Variants in ONECUT2 observed in about 807,000 individuals in gnomAD.
The protein encoded by ONECUT2 is one cut homeobox 2.
ONECUT2 carries 10 observed loss-of-function variants against 27.9 expected under a neutral mutation model. The observed-to-expected ratio is 0.36, with a 90% confidence interval of 0.22 to 0.61. The LOEUF (loss-of-function observed/expected upper bound fraction) is 0.61, where lower values mean the gene tolerates loss of function less well. ONECUT2 is among the 20% of genes least tolerant of loss of function. The probability of loss-of-function intolerance (pLI) is 0.73; values close to 1 mark genes in which losing one functional copy is unlikely to be tolerated. For missense variants in ONECUT2, 686 were observed against 721.0 expected, an observed-to-expected ratio of 0.95 and a Z score of 0.56; for synonymous variants, 334 against 315.1, an observed-to-expected ratio of 1.06 and a Z score of -0.64.
At position 57,471,339 on chromosome 18, in the gene ONECUT2, G is replaced by A. The variant is rs554928311; in HGVS notation, c.1229-5098G>A. Among the ~76,000 whole-genome samples, 3 of 152,354 alleles carry A rather than the reference G, an allele frequency of 2.0e-5. No individual in the cohort carries two copies. The South Asian group carries it at 6.2e-4, about 32-fold the overall frequency. On this transcript the variant is annotated intron_variant, in intron 1 of 1. Transcript: ENST00000491143. ...GCAAAGTAGACCTGGCCCACATGGA[G>A]TTGGGTTGGGATGGGGAAGGCATGG...
At chr18:57,453,581 T>TCGTAGGC (rs1240191658) in intron 1 of ONECUT2, among the ~76,000 whole-genome samples, 36 of 620 alleles carry the variant, frequency 0.058, no homozygotes, top group Admixed American at 0.095. Context: ...ATGGCACCCT[T>TCGTAGGC]AGTAGTTCTT....
At position 57,436,478 on chromosome 18, in the gene ONECUT2, C is replaced by T; in HGVS notation, c.762C>T (p.His254=). 6.2e-7 allele frequency: 1 copy of T among 1,613,244 alleles called. No homozygotes were observed. The highest frequency in any genetic ancestry group is 8.5e-7 in the Non-Finnish European group (1 of 1,179,806). Residue 254 remains histidine, a synonymous_variant, in exon 1 of 2, where the codon CAC becomes CAT. Coordinates refer to ENST00000491143, the MANE Select transcript of ONECUT2 (RefSeq NM_004852.3). The surrounding 1 kb of genome is among the most constrained non-coding windows in gnomAD (Gnocchi z 5.9). ...TGCCCAACTACGGTCCGCCGGGCCA[C>T]GACAAAATGCTCAGCCCCAACTTCG... ...QSLPNYGPPG[H]DKMLSPNFDA...
In ONECUT2 at chr18:57,476,784, AAAC is replaced by A. The variant is rs2050385270; in HGVS notation, c.*64_*66del. 28 of 1,530,306 alleles carry A rather than the reference AAAC, an allele frequency of 1.8e-5. 1 individual carries two copies. In the South Asian group the frequency reaches 3.4e-4, roughly 19 times the overall value. The allele number at this position is 1,530,306 out of a possible 1,614,324, so 94.8% of individuals were successfully genotyped here. A position where few individuals can be genotyped will look rare whatever the true frequency, so the allele number is the denominator to read the frequency against. On this transcript the variant is annotated 3_prime_UTR_variant, in exon 2 of 2. Transcript: ENST00000491143. ...AATGAGGACAACAGATACCAAAAGA[AAAC>A]AAAGGAAAAAGACACCGGATTCCTA...
At chr18:57,444,563 C>T in intron 1 of ONECUT2, 2 of 402,232 alleles carry the variant, frequency 5.0e-6, no homozygotes, top group Non-Finnish European at 9.9e-6. Flanking sequence ...CCCCACCCCC[C>T]AGGGTGAGGT....
Position 57,476,978 on chromosome 18 carries a change from ATGC to A in ONECUT2, c.*257_*259del, listed in dbSNP as rs2050386910. 4.1e-6 allele frequency: 2 copies of A among 484,362 alleles called. No homozygotes were observed. The highest frequency in any genetic ancestry group is 5.5e-5 in the South Asian group (2 of 36,092). The allele number at this position is 484,362 out of a possible 1,614,324, so 30.0% of individuals were successfully genotyped here. A position where few individuals can be genotyped will look rare whatever the true frequency, so the allele number is the denominator to read the frequency against. On this transcript the variant is annotated 3_prime_UTR_variant, in exon 2 of 2. Transcript: ENST00000491143. ...TAGAACCAGACACTGTTCTCTGAGCATGCTAAGCATCCCAGAAACCCAAATGGG... is the reference window on the plus strand; with the variant it reads ...TAGAACCAGACACTGTTCTCTGAGCATAAGCATCCCAGAAACCCAAATGGG...
At position 57,440,799 on chromosome 18, in the gene ONECUT2, C is replaced by G. The variant is rs978606875; in HGVS notation, c.1228+3855C>G. ...CCTTCGCAGAGTCTCGCGCCCACCC[C>G]CCAACCTCCCACCTCGTTTCTCGCT... On this transcript the variant is annotated intron_variant, in intron 1 of 1. Transcript: ENST00000491143. 4.6e-5 allele frequency among the ~76,000 whole-genome samples: 7 copies of G among 152,360 alleles called. No individual in the cohort carries two copies. In the East Asian group the frequency reaches 1.3e-3, roughly 29 times the overall value.
chr18:57,469,507 A>G lies in ONECUT2; in HGVS notation c.1229-6930A>G, dbSNP rs1023695852. On this transcript the variant is annotated intron_variant, in intron 1 of 1. Coordinates refer to ENST00000491143, the MANE Select transcript of ONECUT2 (RefSeq NM_004852.3). ...GATACCCATCAATGTATTTGGACATAAATTAGTATGTTAGGAAACTCCAGT... is the reference window on the plus strand; with the variant it reads ...GATACCCATCAATGTATTTGGACATGAATTAGTATGTTAGGAAACTCCAGT... Among the ~76,000 whole-genome samples the G allele has an allele frequency of 3.3e-5, 5 of 152,340 alleles. No homozygotes were observed. The South Asian group carries it at 1.0e-3, about 32-fold the overall frequency.
At chr18:57,464,187 G>T (rs1416005544) in intron 1 of ONECUT2, among the ~76,000 whole-genome samples, 1 of 152,148 alleles carries the variant, frequency 6.6e-6, no homozygotes, top group African/African-American at 2.4e-5. Flanking sequence ...GCCTCATAGG[G>T]TGGTTGTAAT....
intron 1 of ONECUT2, among the ~76,000 whole-genome samples, 162 bp from the exon 2 acceptor site, chr18:57,476,275 T>C (rs947636229): frequency 3.0e-4 from 46 of 152,334 alleles, no homozygotes; most frequent in African/African-American, 1.1e-3. Context: ...ATGCCTTCCA[T>C]CACCCGGAGA....
chr18:57,445,961 T>C (rs1473521198), intron 1 of ONECUT2, among the ~76,000 whole-genome samples: 16 of 152,258 alleles, frequency 1.1e-4, no homozygotes, highest in Admixed American at 1.0e-3. Flanking sequence ...GGCCTCAGAA[T>C]AATGTGCTCC....
At chr18:57,461,294 A>G (rs1283344171) in intron 1 of ONECUT2, among the ~76,000 whole-genome samples, 2 of 151,248 alleles carry the variant, frequency 1.3e-5, no homozygotes, top group Non-Finnish European at 2.9e-5. Flanking sequence ...CTTTTTCATA[A>G]CTCTATAATA....
chr18:57,462,723 C>CTTTTTTTTTTTTTTTTTT (rs57032206), intron 1 of ONECUT2, among the ~76,000 whole-genome samples: 7 of 69,002 alleles, frequency 1.0e-4, no homozygotes, highest in Admixed American at 1.8e-4. Flanking sequence ...TATTTTCTTT[C>CTTTTTTTTTTTTTTTTTT]TTTTTTTTTT....
rs530013813 is a variant in ONECUT2, at chr18:57,436,998, G to C, written c.1228+54G>C. 6.6e-7 allele frequency: 1 copy of C among 1,515,918 alleles called. No homozygotes were observed. Among genetic ancestry groups the C allele is most frequent in the Admixed American group, 2.1e-5 (1 of 48,598 alleles). The allele number at this position is 1,515,918 out of a possible 1,614,324, so 93.9% of individuals were successfully genotyped here. Reference sequence around the variant, plus strand: ...CTGCTGGGAAGAGGGCTCCGGGTCCGGTGCTTGTGGCCCAAGTCTGCGCGC... The same window carrying C: ...CTGCTGGGAAGAGGGCTCCGGGTCCCGTGCTTGTGGCCCAAGTCTGCGCGC... On this transcript the variant is annotated intron_variant, in intron 1 of 1. Transcript: ENST00000491143. This position sits in a 1 kb window ranked among gnomAD's most constrained non-coding sequence, Gnocchi z 5.9.
At chr18:57,469,696 G>A (rs1433877055) in intron 1 of ONECUT2, among the ~76,000 whole-genome samples, 1 of 152,168 alleles carries the variant, frequency 6.6e-6, no homozygotes, top group Admixed American at 6.5e-5. Context: ...CTACTATCGA[G>A]TAAGACTTGA....
rs938413440 is a variant in ONECUT2, at chr18:57,435,428, C to A, written c.-289C>A. On this transcript the variant is annotated 5_prime_UTR_variant, in exon 1 of 2. Transcript: ENST00000491143. ...CAAACAGAAGACGTCGGCGCCGGAG[C>A]GGGCTCGGACATGGCGAGGCTGCGA... 2.0e-5 allele frequency among the ~76,000 whole-genome samples: 3 copies of A among 151,716 alleles called. No individual in the cohort carries two copies. Among genetic ancestry groups the A allele is most frequent in the Non-Finnish European group, 4.4e-5 (3 of 67,904 alleles).
At chr18:57,437,609 C>G (rs950551573) in intron 1 of ONECUT2, among the ~76,000 whole-genome samples, 1 of 152,196 alleles carries the variant, frequency 6.6e-6, no homozygotes, top group Non-Finnish European at 1.5e-5. Flanking sequence ...ACTTTCTGAC[C>G]GGGCTTGAGG....
chr18:57,455,486 G>A (rs1313879610), intron 1 of ONECUT2, among the ~76,000 whole-genome samples: 3 of 152,140 alleles, frequency 2.0e-5, no homozygotes, highest in Non-Finnish European at 4.4e-5. Context: ...GTGTTTTCAT[G>A]AAAAATTATA....
rs1022499960 is a variant in ONECUT2 at position 57,477,035 on chromosome 18, T to C, written c.*312T>C. On this transcript the variant is annotated 3_prime_UTR_variant, in exon 2 of 2. Transcript: ENST00000491143. ...TTCCTGGAGCGAGTTAATTCCAGTA[T>C]GGTGTCAACCAAGCTCGGGATTGCT... The C allele has an allele frequency of 5.8e-6, 2 of 347,394 alleles. No homozygotes were observed. Among genetic ancestry groups the C allele is most frequent in the African/African-American group, 2.1e-5 (1 of 47,700 alleles). The allele number at this position is 347,394 out of a possible 1,614,324, so 21.5% of individuals were successfully genotyped here.
Position 57,436,479 on chromosome 18 carries a change from G to A in ONECUT2, c.763G>A (p.Asp255Asn), listed in dbSNP as rs372105365. The A allele has an allele frequency of 6.2e-7, 1 of 1,613,248 alleles. No homozygotes were observed. Among genetic ancestry groups the A allele is most frequent in the Non-Finnish European group, 8.5e-7 (1 of 1,179,816 alleles). ...SLPNYGPPGHDKMLSPNFDAH... is the reference protein window; with the variant it reads ...SLPNYGPPGHNKMLSPNFDAH... ...GCCCAACTACGGTCCGCCGGGCCAC[G>A]ACAAAATGCTCAGCCCCAACTTCGA... Residue 255 changes from aspartate (D) to asparagine (N), a missense_variant, in exon 1 of 2, where the codon GAC becomes AAC. By Grantham distance (23) the Asp-to-Asn change is conservative. Coordinates refer to ENST00000491143, the MANE Select transcript of ONECUT2 (RefSeq NM_004852.3). This position sits in a 1 kb window ranked among gnomAD's most constrained non-coding sequence, Gnocchi z 5.9.
Sources: gnomAD v4.1 joint callset for allele counts (sites outside exome capture counted in the v4.1 genomes callset) on GRCh38, gnomAD v4.1.1 for gene constraint, Gnocchi (gnomAD v3.1) non-coding constraint, MANE v1.5 for transcripts, NCBI Gene and HGNC (gene_info 2026-07-23, HGNC 2026-07-21) for gene names.